ARMH3: variants seen among roughly 807,000 people sequenced by gnomAD.
ARMH3 encodes the protein armadillo like helical domain containing 3, also known as armadillo-like helical domain-containing protein 3.
In ARMH3, 60 loss-of-function variants were observed where a neutral mutation model predicts 99.1. The observed-to-expected ratio is 0.61, with a 90% confidence interval of 0.49 to 0.75. ARMH3 has a LOEUF of 0.75. Ranked by LOEUF, ARMH3 falls within the 30% of genes least tolerant of loss-of-function variation. ARMH3 has a pLI of 0.00. For synonymous variants in ARMH3, 285 were observed against 292.8 expected (o/e 0.97, Z 0.27); for missense variants, 679 against 843.1 (o/e 0.81, Z 2.41).
chr10:102,001,839 G>A, intron 15 of ARMH3, 132 bp downstream of exon 15: 1 of 760,466 alleles, frequency 1.3e-6, no homozygotes, highest in Non-Finnish European at 2.1e-6. Context: ...CTATTTTCCA[G>A]CAATGAAGAC....
chr10:101,978,249 A>G (rs367685166), intron 19 of ARMH3, among the ~76,000 whole-genome samples: 2 of 149,916 alleles, frequency 1.3e-5, no homozygotes, highest in East Asian at 3.8e-4. Flanking sequence ...AAATCATTAC[A>G]CACATGTTCC....
At chr10:101,978,802 G>A (rs778385275) in intron 19 of ARMH3, among the ~76,000 whole-genome samples, 22 of 152,090 alleles carry the variant, frequency 1.4e-4, no homozygotes, top group East Asian at 7.7e-4. Flanking sequence ...TTAGCTGGGC[G>A]TGGTGGCAGG....
intron 8 of ARMH3, among the ~76,000 whole-genome samples, chr10:102,018,184 G>C (rs747018597): frequency 6.6e-6 from 1 of 152,088 alleles, no homozygotes; most frequent in Non-Finnish European, 1.5e-5. Context: ...TGAAGCCCCC[G>C]GTCTTCCTTG....
chr10:101,991,863 A>T, intron 18 of ARMH3, 106 bp downstream of exon 18: 1 of 1,135,500 alleles, frequency 8.8e-7, no homozygotes, highest in Non-Finnish European at 1.3e-6. Flanking sequence ...CACAACTAAT[A>T]ATTTATTTGC....
intron 8 of ARMH3, among the ~76,000 whole-genome samples, chr10:102,021,882 G>C (rs1408395911): frequency 6.6e-6 from 1 of 151,904 alleles, no homozygotes; most frequent in East Asian, 1.9e-4. Flanking sequence ...TGTAGAGACT[G>C]TCTTACTATT....
At chr10:101,910,868 G>T (rs767367279) in intron 23 of ARMH3, among the ~76,000 whole-genome samples, 1 of 148,848 alleles carries the variant, frequency 6.7e-6, no homozygotes, top group East Asian at 2.0e-4. Flanking sequence ...GGCTGGGCGC[G>T]GTGACTCATG....
intron 23 of ARMH3, among the ~76,000 whole-genome samples, chr10:101,935,755 T>C (rs1035587867): frequency 1.3e-5 from 2 of 152,252 alleles, no homozygotes; most frequent in African/African-American, 4.8e-5. Context: ...CACTCTGCCT[T>C]AAAAATCCTT....
intron 23 of ARMH3, among the ~76,000 whole-genome samples, chr10:101,937,001 G>A (rs1470602141): frequency 2.0e-5 from 3 of 152,150 alleles, no homozygotes; most frequent in Admixed American, 2.0e-4. Context: ...TTTACAGAGG[G>A]TGGATAGAGG....
At chr10:101,919,174 T>G (rs1304159053) in intron 23 of ARMH3, among the ~76,000 whole-genome samples, 5 of 152,282 alleles carry the variant, frequency 3.3e-5, no homozygotes, top group Non-Finnish European at 7.4e-5. Flanking sequence ...CAGTGAGATT[T>G]AACTCAAAGA....
rs1045186136 is a variant in ARMH3, at chr10:102,029,341, T to A, written c.414+297A>T. ...AAGTTACCCTTGTATGTTGTTATAT[T>A]TTATTTAAATTCATAAATGTTCTTA... On this transcript the variant is annotated intron_variant, in intron 5 of 25. Coordinates refer to ENST00000370033, the MANE Select transcript of ARMH3 (RefSeq NM_024541.3). The A allele has an allele frequency of 4.7e-6, 5 of 1,062,550 alleles. No homozygotes were observed. The Admixed American group carries it at 1.1e-4, about 24-fold the overall frequency. The allele number at this position is 1,062,550 out of a possible 1,614,324, so 65.8% of individuals were successfully genotyped here.
chr10:101,983,625 C>G (rs1168554650), intron 19 of ARMH3, among the ~76,000 whole-genome samples: 1 of 152,094 alleles, frequency 6.6e-6, no homozygotes, highest in African/African-American at 2.4e-5. Context: ...GTTTGGAGAG[C>G]TTCTGGATAG....
chr10:102,006,989 C>T (rs1265631353), intron 13 of ARMH3, among the ~76,000 whole-genome samples: 5 of 151,288 alleles, frequency 3.3e-5, no homozygotes, highest in South Asian at 4.2e-4. Flanking sequence ...GGTGAAACCC[C>T]GTCTCTACTA....
Position 101,998,912 on chromosome 10 carries a change from A to G in ARMH3, c.1150+3059T>C, listed in dbSNP as rs962396348. Among the ~76,000 whole-genome samples the G allele has an allele frequency of 1.1e-4, 16 of 152,346 alleles. No homozygotes were observed. The South Asian group carries it at 3.3e-3, about 32-fold the overall frequency. ...ATAGTATTTCAGCAATTTTGCTTCT[A>G]AAGTGGAAATGGTTTTTTTGTTATT... On this transcript the variant is annotated intron_variant, in intron 15 of 25. Coordinates refer to ENST00000370033, the MANE Select transcript of ARMH3 (RefSeq NM_024541.3).
At chr10:101,946,170 A>T (rs2135749835) in intron 22 of ARMH3, among the ~76,000 whole-genome samples, 1 of 151,894 alleles carries the variant, frequency 6.6e-6, no homozygotes. Flanking sequence ...AAAAGTGACC[A>T]ATTCTCAAAA....
At chr10:101,874,174 A>G (rs1267105746) in intron 24 of ARMH3, among the ~76,000 whole-genome samples, 2 of 152,220 alleles carry the variant, frequency 1.3e-5, no homozygotes, top group East Asian at 1.9e-4. Context: ...GCAAAGTGGT[A>G]TAAGAGAACA....
At chr10:101,960,008 T>C (rs529857122) in intron 20 of ARMH3, among the ~76,000 whole-genome samples, 33 of 152,260 alleles carry the variant, frequency 2.2e-4, no homozygotes, top group African/African-American at 7.9e-4. Flanking sequence ...TGAAACCCTG[T>C]CTCTACTAAA....
Position 102,009,313 on chromosome 10 carries a change from T to A in ARMH3, c.954+61A>T, listed in dbSNP as rs1030102437. 2.7e-6 allele frequency: 4 copies of A among 1,461,334 alleles called. No homozygotes were observed. The Admixed American group carries it at 6.9e-5, about 25-fold the overall frequency. 90.5% of individuals were successfully genotyped at this position (1,461,334 alleles called of 1,614,324 possible). On this transcript the variant is annotated intron_variant, in intron 13 of 25. Coordinates refer to ENST00000370033, the MANE Select transcript of ARMH3 (RefSeq NM_024541.3). ...AAGTACAGCCAGATAGGCTTTTCAA[T>A]GGAATTAATCGGTATGAAATTTAGA...
Position 102,033,296 on chromosome 10 carries a change from A to G in ARMH3, c.146T>C (p.Leu49Pro). ...ACCAACTCTTACCTTCATGAGAAAGAGCTCCTCCCAAAACCGAGGACTGCA... is the reference window on the plus strand; with the variant it reads ...ACCAACTCTTACCTTCATGAGAAAGGGCTCCTCCCAAAACCGAGGACTGCA... ...SKCSPRFWEE[L>P]FLMKVNLEYL... Residue 49 changes from leucine to proline, a missense_variant, in exon 3 of 26, where the codon CTC becomes CCC. By Grantham distance (98) the Leu-to-Pro change is moderately conservative. Around this residue, in one of 3 missense-constraint regions of ARMH3, gnomAD observed 280 missense variants for 354.6 expected, o/e 0.79. Transcript: ENST00000370033. 1 of 1,614,154 alleles carries G rather than the reference A, an allele frequency of 6.2e-7. No homozygotes were observed. The highest frequency in any genetic ancestry group is 8.5e-7 in the Non-Finnish European group (1 of 1,180,028).
intron 24 of ARMH3, among the ~76,000 whole-genome samples, chr10:101,870,574 C>T (rs1220417529): frequency 6.6e-6 from 1 of 152,024 alleles, no homozygotes; most frequent in Non-Finnish European, 1.5e-5. Context: ...TTGAAATTTT[C>T]CCTAATAAAA....
Sources: gnomAD v4.1 joint callset for allele counts (sites outside exome capture counted in the v4.1 genomes callset) on GRCh38, gnomAD v4.1.1 for gene constraint, gnomAD v4.1.1 regional missense constraint, MANE v1.5 for transcripts, NCBI Gene and HGNC (gene_info 2026-07-23, HGNC 2026-07-21) for gene names.